The following SBF2 variants were observed in gnomAD, a reference collection of about 807,000 sequenced individuals.
SBF2 encodes SET binding factor 2.
Under a neutral mutation model 225.2 loss-of-function variants are expected in SBF2, and 112 were observed. That is an observed-to-expected ratio of 0.50 (90% CI 0.43 to 0.58). The LOEUF (loss-of-function observed/expected upper bound fraction) is 0.58. Ranked by LOEUF, SBF2 falls within the 20% of genes least tolerant of loss-of-function variation. SBF2 has a pLI of 0.00. For synonymous variants in SBF2, 763 were observed against 773.3 expected, an observed-to-expected ratio of 0.99 and a Z score of 0.22; for missense variants, 1,996 against 2,206.2, an observed-to-expected ratio of 0.90 and a Z score of 1.91.
At chr11:10,291,154 T>C (rs1046902835) in intron 1 of SBF2, among the ~76,000 whole-genome samples, 10 of 152,216 alleles carry the variant, frequency 6.6e-5, no homozygotes, top group Admixed American at 6.5e-4. Flanking sequence ...TGAATGTGTA[T>C]GTCCCCTCCC....
chr11:10,268,689 A>G (rs560626791), intron 1 of SBF2, among the ~76,000 whole-genome samples: 138 of 152,350 alleles, frequency 9.1e-4, no homozygotes, highest in African/African-American at 3.0e-3. Context: ...TCTCTGTTGA[A>G]AGGACATTTT....
intron 2 of SBF2, among the ~76,000 whole-genome samples, chr11:10,161,259 A>G (rs933071150): frequency 5.9e-5 from 9 of 152,002 alleles, no homozygotes; most frequent in Admixed American, 5.2e-4. Context: ...GCTGCCACAA[A>G]CATGGACACA....
rs535941159 is a variant in SBF2 at position 9,988,302 on chromosome 11, A to G, written c.1395+1195T>C. Among the ~76,000 whole-genome samples, 13 of 152,336 alleles carry G rather than the reference A, an allele frequency of 8.5e-5. No homozygotes were observed. In the East Asian group the frequency reaches 1.3e-3, roughly 16 times the overall value. On this transcript the variant is annotated intron_variant, in intron 13 of 39. Transcript: ENST00000256190. Reference sequence around the variant, plus strand: ...GACTTAAAACCTAGGACCTGAAACTATAAGAATTCTAGAACATTGGAAAAA... The same window carrying G: ...GACTTAAAACCTAGGACCTGAAACTGTAAGAATTCTAGAACATTGGAAAAA...
At chr11:10,092,823 C>A (rs1212858284) in intron 2 of SBF2, among the ~76,000 whole-genome samples, 1 of 152,072 alleles carries the variant, frequency 6.6e-6, no homozygotes, top group Admixed American at 6.6e-5. Context: ...ATCATGAATG[C>A]AGTGTAGGCA....
intron 16 of SBF2, among the ~76,000 whole-genome samples, chr11:9,918,080 G>A (rs769174870): frequency 2.0e-5 from 3 of 149,160 alleles, no homozygotes; most frequent in Admixed American, 6.6e-5. Context: ...TGAAATAGGC[G>A]CATCTAGGGA....
chr11:10,173,600 G>A (rs948697245), intron 2 of SBF2, among the ~76,000 whole-genome samples: 31 of 152,222 alleles, frequency 2.0e-4, no homozygotes, highest in African/African-American at 7.2e-4. Context: ...GCCCACCATT[G>A]CCCAGGCTTG....
intron 32 of SBF2, chr11:9,807,732 C>T (rs1853931679): frequency 2.6e-5 from 13 of 503,598 alleles, no homozygotes; most frequent in Admixed American, 6.5e-5. Context: ...GTTTGCTTCT[C>T]TTCTTTGAAG....
At chr11:9,936,141 A>G (rs1864881061) in intron 16 of SBF2, among the ~76,000 whole-genome samples, 1 of 152,220 alleles carries the variant, frequency 6.6e-6, no homozygotes, top group Admixed American at 6.5e-5. Context: ...AAGTGGGTGA[A>G]GTATATCAAC....
chr11:9,903,974 C>T (rs865937120), intron 16 of SBF2, among the ~76,000 whole-genome samples: 1 of 152,064 alleles, frequency 6.6e-6, no homozygotes, highest in South Asian at 2.1e-4. Context: ...ATGGACTCTC[C>T]CTGGTGCCAG....
At chr11:9,858,525 A>G (rs1457123971) in intron 17 of SBF2, 129 bp from the exon 18 acceptor site, 6 of 939,494 alleles carry the variant, frequency 6.4e-6, no homozygotes, top group Non-Finnish European at 9.6e-6. Flanking sequence ...ATGGTAGTAC[A>G]GGCTTAGCAA....
intron 16 of SBF2, among the ~76,000 whole-genome samples, chr11:9,933,383 T>C (rs1864644746): frequency 6.6e-6 from 1 of 152,196 alleles, no homozygotes; most frequent in Non-Finnish European, 1.5e-5. Context: ...ATCACACTTA[T>C]TCCAAAATTG....
At chr11:10,075,489 AAGG>A (rs1225780541) in intron 2 of SBF2, among the ~76,000 whole-genome samples, 3 of 152,152 alleles carry the variant, frequency 2.0e-5, no homozygotes, top group Non-Finnish European at 4.4e-5. Context: ...CCAAGTGTTG[AAGG>A]TGGGGCCTGG....
At chr11:9,966,418 GTT>G (rs1452432137) in intron 14 of SBF2, among the ~76,000 whole-genome samples, 1 of 152,178 alleles carries the variant, frequency 6.6e-6, no homozygotes, top group Non-Finnish European at 1.5e-5. Context: ...TAATAAATAT[GTT>G]TACTATCTGG....
chr11:9,802,375 G>A (rs1853543182), intron 32 of SBF2, among the ~76,000 whole-genome samples: 1 of 152,118 alleles, frequency 6.6e-6, no homozygotes, highest in Non-Finnish European at 1.5e-5. Context: ...GTAAACAATG[G>A]CTTTTTATAT....
intron 16 of SBF2, among the ~76,000 whole-genome samples, chr11:9,903,248 G>A (rs748008707): frequency 1.3e-5 from 2 of 152,126 alleles, no homozygotes; most frequent in African/African-American, 2.4e-5. Context: ...CGTGAACCCG[G>A]GAGGCAGAGC....
intron 17 of SBF2, among the ~76,000 whole-genome samples, chr11:9,882,219 G>C (rs1859827581): frequency 6.6e-6 from 1 of 152,138 alleles, no homozygotes; most frequent in African/African-American, 2.4e-5. Context: ...CCTAGGGCTT[G>C]CTTGAGTGAA....
At chr11:10,168,664 T>C (rs12270278) in intron 2 of SBF2, among the ~76,000 whole-genome samples, 3,302 of 152,324 alleles carry the variant, frequency 0.022, 95 homozygotes, top group African/African-American at 0.065. Flanking sequence ...CTGTAGTTAA[T>C]AGAATGAGTG....
chr11:10,110,014 C>T (rs957859751), intron 2 of SBF2, among the ~76,000 whole-genome samples: 4 of 152,204 alleles, frequency 2.6e-5, no homozygotes, highest in Non-Finnish European at 5.9e-5. Flanking sequence ...CCCATGAGTA[C>T]AAGCTCTAAT....
chr11:9,790,271 G>T (rs767372266), intron 34 of SBF2, among the ~76,000 whole-genome samples: 2 of 152,152 alleles, frequency 1.3e-5, no homozygotes, highest in African/African-American at 2.4e-5. Context: ...TTCAAATTTT[G>T]TTAGTTCTTT....
Sources: allele counts gnomAD v4.1 joint callset (sites outside exome capture counted in the v4.1 genomes callset), GRCh38; gene constraint gnomAD v4.1.1; transcripts MANE v1.5; gene names NCBI Gene and HGNC (gene_info 2026-07-23, HGNC 2026-07-21).